TMEM114: variants seen among roughly 807,000 people sequenced by gnomAD.
The protein encoded by TMEM114 is transmembrane protein 114.
TMEM114 carries 6 observed loss-of-function variants against 6.2 expected under a neutral mutation model. The observed-to-expected ratio is 0.97, with a 90% CI of 0.53 to 1.91. The LOEUF (loss-of-function observed/expected upper bound fraction) is 1.91, where lower values mean the gene tolerates loss of function less well. Among genes scored for constraint, TMEM114 ranks in the 40% most tolerant of loss-of-function variants. The pLI is 0.01. For missense variants in TMEM114, 218 were observed against 158.3 expected (o/e 1.38, Z -2.02); for synonymous variants, 104 against 73.0 (o/e 1.42, Z -2.16).
Position 8,589,728 on chromosome 16 carries a change from G to C in TMEM114, c.111C>G (p.Thr37=), listed in dbSNP as rs930006371. The change falls in exon 1 of 4, where the codon ACC becomes ACG. Residue 37 remains threonine (T), a synonymous_variant. Coordinates refer to ENST00000620492, the MANE Select transcript of TMEM114 (RefSeq NM_001146336.2). The part of the protein sequence containing the change: ...IGTDFWYIID[T]ERLERTGPGA... ...CCGGGCCAGTCCTCTCCAGCCGCTC[G>C]GTGTCAATGATATACCAGAAGTCCG... 1.0e-5 allele frequency: 4 copies of C among 398,328 alleles called. No individual in the cohort carries two copies. Among genetic ancestry groups the C allele is most frequent in the African/African-American group, 8.2e-5 (4 of 48,596 alleles). 24.7% of individuals were successfully genotyped at this position (398,328 alleles called of 1,614,324 possible).
At chr16:8,536,391 C>T (rs536172909), downstream of TMEM114, among the ~76,000 whole-genome samples, 131 of 152,252 alleles carry the variant, frequency 8.6e-4, 1 homozygote, top group Non-Finnish European at 1.3e-3. Context: ...ACGTCTTCTT[C>T]GGGAACTTTG....
intron 3 of TMEM114, 43 bp from the exon 4 acceptor site, chr16:8,570,048 G>A (rs1555464672): frequency 2.0e-6 from 3 of 1,505,234 alleles, no homozygotes; most frequent in South Asian, 2.5e-5. Flanking sequence ...CCCCCACCCC[G>A]CCCCAGCACT....
intron 2 of TMEM114, among the ~76,000 whole-genome samples, chr16:8,555,945 C>T (rs1253161129): frequency 1.3e-5 from 2 of 152,184 alleles, no homozygotes; most frequent in Admixed American, 6.5e-5. Flanking sequence ...TGGACGTGTC[C>T]ATCTTGGATG....
chr16:8,553,631 G>A lies in TMEM114; in HGVS notation n.213-15805C>T, dbSNP rs144750016. Among the ~76,000 whole-genome samples, 167 of 151,880 alleles carry A rather than the reference G, an allele frequency of 1.1e-3. 1 individual carries two copies. The highest frequency in any genetic ancestry group is 3.9e-3 in the African/African-American group (160 of 41,404). ...CTCCCAAGTAGCTGGGACTGCCGGC[G>A]CCTGCCATCACGCCTCCTATTTTGT... On this transcript the variant is annotated intron_variant and non_coding_transcript_variant, in intron 2 of 2. Transcript: ENST00000623677.
the TMEM114 span, among the ~76,000 whole-genome samples, chr16:8,529,356 T>C: frequency 6.6e-6 from 1 of 152,240 alleles, no homozygotes; most frequent in African/African-American, 2.4e-5. Context: ...CAGACCTCTC[T>C]CATGTGCAGT....
At chr16:8,548,309 C>T (rs889203270) in intron 2 of TMEM114, among the ~76,000 whole-genome samples, 1 of 152,120 alleles carries the variant, frequency 6.6e-6, no homozygotes, top group African/African-American at 2.4e-5. Flanking sequence ...TGGCAGTGTG[C>T]CTGACCCATA....
At chr16:8,539,997 T>C (rs1008143143) in intron 2 of TMEM114, among the ~76,000 whole-genome samples, 3 of 152,030 alleles carry the variant, frequency 2.0e-5, no homozygotes, top group Non-Finnish European at 2.9e-5. Context: ...TTTGTATTTT[T>C]AGTAGAGATG....
chr16:8,534,235 A>G (rs1900292587), downstream of TMEM114, among the ~76,000 whole-genome samples: 1 of 152,254 alleles, frequency 6.6e-6, no homozygotes, highest in Non-Finnish European at 1.5e-5. Flanking sequence ...ACAAAACTGC[A>G]GACAATTAAT....
downstream of TMEM114, among the ~76,000 whole-genome samples, chr16:8,568,750 G>T (rs1008472423): frequency 9.2e-5 from 14 of 152,296 alleles, no homozygotes; most frequent in African/African-American, 3.4e-4. Flanking sequence ...CAGAATCTCA[G>T]CCATGGTTTT....
At chr16:8,557,597 A>C (rs1349800203) in intron 2 of TMEM114, among the ~76,000 whole-genome samples, 1 of 152,214 alleles carries the variant, frequency 6.6e-6, no homozygotes, top group African/African-American at 2.4e-5. Context: ...TTAGGCAGCT[A>C]CGAAGAAATG....
downstream of TMEM114, among the ~76,000 whole-genome samples, chr16:8,564,809 GTGAA>G (rs1286217471): frequency 4.8e-5 from 7 of 145,584 alleles, 1 homozygote; most frequent in African/African-American, 1.2e-4. Context: ...AAATGAGTGA[GTGAA>G]TGAGTGAGTG....
At chr16:8,555,363 G>C (rs756318398) in intron 2 of TMEM114, among the ~76,000 whole-genome samples, 2 of 152,234 alleles carry the variant, frequency 1.3e-5, no homozygotes, top group Non-Finnish European at 2.9e-5. Flanking sequence ...AATGTGCTAA[G>C]AGTAGCAGCT....
downstream of TMEM114, among the ~76,000 whole-genome samples, chr16:8,536,383 G>A (rs182941601): frequency 5.3e-5 from 8 of 152,180 alleles, no homozygotes; most frequent in Admixed American, 1.3e-4. Flanking sequence ...ACACCTTGAC[G>A]TCTTCTTCGG....
At chr16:8,548,592 C>A (rs1900745060) in intron 2 of TMEM114, among the ~76,000 whole-genome samples, 1 of 151,772 alleles carries the variant, frequency 6.6e-6, no homozygotes, top group Non-Finnish European at 1.5e-5. Flanking sequence ...TATCCTAGAC[C>A]TTTTTCACCC....
chr16:8,562,555 C>G (rs62645657), intron 2 of TMEM114, among the ~76,000 whole-genome samples: 1 of 46,370 alleles, frequency 2.2e-5, no homozygotes, highest in Non-Finnish European at 4.1e-5. Flanking sequence ...TGAGTGAGTG[C>G]GTCAATGAGT....
At chr16:8,578,150 T>C (rs1285006539) in intron 2 of TMEM114, among the ~76,000 whole-genome samples, 2 of 152,104 alleles carry the variant, frequency 1.3e-5, no homozygotes, top group Non-Finnish European at 2.9e-5. Flanking sequence ...TGGGGGGGCC[T>C]TGTTCTTAGA....
At chr16:8,565,290 G>C (rs1901503526), downstream of TMEM114, among the ~76,000 whole-genome samples, 1 of 152,164 alleles carries the variant, frequency 6.6e-6, no homozygotes, top group African/African-American at 2.4e-5. Flanking sequence ...CTGAATGCGT[G>C]CATGAATATA....
intron 2 of TMEM114, among the ~76,000 whole-genome samples, chr16:8,580,516 A>G (rs1902103873): frequency 6.6e-6 from 1 of 151,414 alleles, no homozygotes; most frequent in Admixed American, 6.6e-5. Flanking sequence ...AAAAAGAAAA[A>G]AAAAGGAAAC....
At chr16:8,556,839 T>C (rs1009878705) in intron 2 of TMEM114, among the ~76,000 whole-genome samples, 38 of 152,226 alleles carry the variant, frequency 2.5e-4, no homozygotes, top group African/African-American at 8.9e-4. Context: ...GTAAATTTTA[T>C]GTCATGTGTA....
Sources: allele counts gnomAD v4.1 joint callset (sites outside exome capture counted in the v4.1 genomes callset), GRCh38; gene constraint gnomAD v4.1.1; transcripts MANE v1.5; gene names NCBI Gene and HGNC (gene_info 2026-07-23, HGNC 2026-07-21).